The following NCAPG2 variants were observed in gnomAD, a reference collection of about 807,000 sequenced individuals.
NCAPG2 encodes non-SMC condensin II complex subunit G2, also known as condensin-2 complex subunit G2.
NCAPG2 carries 53 observed loss-of-function variants against 141.1 expected under a neutral mutation model. That is an observed-to-expected ratio of 0.38 (90% confidence interval 0.30 to 0.47). NCAPG2 has a LOEUF of 0.47. Ranked by LOEUF, NCAPG2 falls within the 20% of genes least tolerant of loss-of-function variation. The pLI is 0.99. For missense variants in NCAPG2, 1,087 were observed against 1,389.0 expected (o/e 0.78, Z 3.46); for synonymous variants, 499 against 490.7 (o/e 1.02, Z -0.22).
At chr7:158,667,346 CT>C (rs1833097205) in intron 13 of NCAPG2, 3 of 134,072 alleles carry the variant, frequency 2.2e-5, no homozygotes, top group Admixed American at 3.3e-4. Context: ...TGTCCCTCCG[CT>C]CCTTAGCCAC....
At chr7:158,687,167 A>G (rs1392712284) in intron 7 of NCAPG2, among the ~76,000 whole-genome samples, 181 bp downstream of exon 7, 1 of 152,242 alleles carries the variant, frequency 6.6e-6, no homozygotes, top group Non-Finnish European at 1.5e-5. Flanking sequence ...TCAGTGGTCA[A>G]TACTGGAAAA....
intron 23 of NCAPG2, 139 bp downstream of exon 23, chr7:158,652,154 C>G: frequency 2.4e-6 from 2 of 831,454 alleles, no homozygotes; most frequent in African/African-American, 1.7e-5. Flanking sequence ...CTCAGTGCAC[C>G]TCGCCAGCAG....
chr7:158,674,001 G>C (rs879879159), intron 12 of NCAPG2, among the ~76,000 whole-genome samples: 2 of 151,942 alleles, frequency 1.3e-5, no homozygotes, highest in African/African-American at 2.4e-5. Flanking sequence ...ACGCTTTATA[G>C]TAGACTGGGG....
chr7:158,635,044 T>C (rs1247381260), intron 27 of NCAPG2, among the ~76,000 whole-genome samples: 1 of 152,178 alleles, frequency 6.6e-6, no homozygotes, highest in Non-Finnish European at 1.5e-5. Flanking sequence ...TCCTTCTATG[T>C]CAGGTTAGGA....
intron 16 of NCAPG2, among the ~76,000 whole-genome samples, chr7:158,660,651 A>C (rs1310313700): frequency 6.6e-6 from 1 of 152,076 alleles, no homozygotes; most frequent in Non-Finnish European, 1.5e-5. Flanking sequence ...CCCAGCCTGA[A>C]GCAATCCTCC....
intron 8 of NCAPG2, 40 bp downstream of exon 8, chr7:158,686,132 T>C (rs1185900587): frequency 1.7e-6 from 2 of 1,211,186 alleles, no homozygotes; most frequent in Non-Finnish European, 2.3e-6. Context: ...AACTAAAATA[T>C]AATAAAAATA....
chr7:158,638,602 G>A (rs1830442642), intron 27 of NCAPG2, among the ~76,000 whole-genome samples: 1 of 151,964 alleles, frequency 6.6e-6, no homozygotes, highest in Non-Finnish European at 1.5e-5. Context: ...AAAATAAAAG[G>A]GTCAATTAAT....
rs1474383011 is a variant in NCAPG2 at position 158,686,193 on chromosome 7, CT to C, written c.815del (p.Lys272ArgfsTer39). On this transcript the variant is annotated frameshift_variant, in exon 8 of 28. Transcript: ENST00000356309. LOFTEE classifies it high-confidence loss of function. Reference protein sequence around the residue: ...IAEIYFRAWKKASGKILEAIE... With the variant: ...IAEIYFRAWKXASGKILEAIE... The stretch of plus-strand genomic sequence containing the variant: ...ATACCTCCAGTATTTTCCCTGAAGC[CT>C]TTTTCCAAGCTCTGAAATAAATTTC... 13 of 1,572,930 alleles carry C rather than the reference CT, an allele frequency of 8.3e-6. No individual in the cohort carries two copies. The highest frequency in any genetic ancestry group is 3.7e-5 in the Admixed American group (2 of 53,898).
intron 12 of NCAPG2, among the ~76,000 whole-genome samples, chr7:158,674,975 G>A (rs955507096): frequency 1.3e-5 from 2 of 152,100 alleles, no homozygotes. Flanking sequence ...TCTCACCAAA[G>A]TCAGGGGGAA....
intron 24 of NCAPG2, among the ~76,000 whole-genome samples, chr7:158,647,697 CTTTTT>C (rs200623735): frequency 6.9e-6 from 1 of 145,336 alleles, no homozygotes; most frequent in Admixed American, 6.9e-5. Context: ...AACAACACTG[CTTTTT>C]TTTTTTTAAG....
rs571620984 is a variant in NCAPG2, at chr7:158,672,443, T to C, written c.1327-777A>G. 2.2e-3 allele frequency among the ~76,000 whole-genome samples: 312 copies of C among 141,886 alleles called. 1 individual carries two copies. The highest frequency in any genetic ancestry group is 0.019 in the Middle Eastern group (5 of 260). 93.1% of individuals were successfully genotyped at this position (141,886 alleles called of 152,430 possible). ...CTGCAAGCTCTGCCTCCCGGGTTCA[T>C]GCCATTCTCCTGCCTCAGCCCCCCA... is the stretch of plus-strand genomic sequence containing the variant. On this transcript the variant is annotated intron_variant, in intron 12 of 27. Transcript: ENST00000356309.
At chr7:158,672,145 T>TC (rs1833727664) in intron 12 of NCAPG2, among the ~76,000 whole-genome samples, 1 of 151,792 alleles carries the variant, frequency 6.6e-6, no homozygotes, top group Admixed American at 6.6e-5. Context: ...GTGGCACTCC[T>TC]CCACAGGCCA....
intron 21 of NCAPG2, 74 bp downstream of exon 21, chr7:158,655,043 TA>T: frequency 6.7e-7 from 1 of 1,482,434 alleles, no homozygotes; most frequent in Non-Finnish European, 9.0e-7. Context: ...ATTACCACTC[TA>T]AAGTAGAAAA....
At chr7:158,673,159 G>A (rs1833852983) in intron 12 of NCAPG2, among the ~76,000 whole-genome samples, 1 of 152,244 alleles carries the variant, frequency 6.6e-6, no homozygotes. Flanking sequence ...GGTGAAGGAG[G>A]AAGAAGCAAG....
intron 27 of NCAPG2, among the ~76,000 whole-genome samples, chr7:158,637,577 T>TC (rs1563488347): frequency 1.7e-4 from 1 of 5,848 alleles, no homozygotes; most frequent in African/African-American, 5.3e-4. Flanking sequence ...CAGCTCCGGC[T>TC]CCAGCAGCTC....
Position 158,682,956 on chromosome 7 carries a change from A to T in NCAPG2, c.924+344T>A, listed in dbSNP as rs73516483. 5.5e-3 allele frequency among the ~76,000 whole-genome samples: 837 copies of T among 152,356 alleles called. 42 individuals are homozygous for T. The East Asian group carries it at 0.11, about 21-fold the overall frequency. Reference sequence around the variant, plus strand: ...TTGGTTTGCAGAAGAGCAAAATTGGAATTTAATAAGTAAAATAATAAAAAT... The same window carrying T: ...TTGGTTTGCAGAAGAGCAAAATTGGTATTTAATAAGTAAAATAATAAAAAT... On this transcript the variant is annotated intron_variant, in intron 9 of 27. Transcript: ENST00000356309.
rs772987752 is a variant in NCAPG2, at chr7:158,675,560, T to C, written c.1243A>G (p.Ile415Val). The stretch of plus-strand genomic sequence containing the variant: ...ACCTTCTTCAGGAGGTCAATAAGAA[T>C]GGTCGGGGGCATCATTTCCCAGTAC... Reference protein sequence around the residue: ...SKYWEMMPPTILIDLLKKVTG... With the variant: ...SKYWEMMPPTVLIDLLKKVTG... The change falls in exon 12 of 28, where the codon ATT becomes GTT. Residue 415 changes from isoleucine to valine, a missense_variant. By Grantham distance (29) the Ile-to-Val change is conservative (BLOSUM62 3). Transcript: ENST00000356309. The C allele has an allele frequency of 1.9e-6, 3 of 1,613,724 alleles. No individual in the cohort carries two copies. The African/African-American group carries it at 4.0e-5, about 22-fold the overall frequency.
At chr7:158,631,896 C>T (rs1051528700) in intron 27 of NCAPG2, among the ~76,000 whole-genome samples, 179 bp from the exon 28 acceptor site, 2 of 152,132 alleles carry the variant, frequency 1.3e-5, no homozygotes, top group African/African-American at 4.8e-5. Flanking sequence ...TCAGAATCCC[C>T]ACAGCAGTCA....
At chr7:158,680,130 C>A (rs374540976) in intron 10 of NCAPG2, 45 bp from the exon 11 acceptor site, 9 of 1,588,578 alleles carry the variant, frequency 5.7e-6, no homozygotes. Context: ...AAAGAGTTAA[C>A]ATACGAAGGC....
Sources: allele counts gnomAD v4.1 joint callset (sites outside exome capture counted in the v4.1 genomes callset), GRCh38; gene constraint gnomAD v4.1.1; transcripts MANE v1.5; gene names NCBI Gene and HGNC (gene_info 2026-07-23, HGNC 2026-07-21).